Variants in SLC24A4 observed in about 807,000 individuals in gnomAD.
SLC24A4 encodes solute carrier family 24 member 4, also known as sodium/potassium/calcium exchanger 4.
SLC24A4 carries 53 observed loss-of-function variants against 79.0 expected under a neutral mutation model. The ratio of observed to expected loss-of-function variants is 0.67; its 90% confidence interval spans 0.54 to 0.84. SLC24A4 has a LOEUF of 0.84. Among genes scored for constraint, SLC24A4 ranks in the 40% least tolerant of loss-of-function variants. SLC24A4 has a pLI of 0.00. For synonymous variants in SLC24A4, 323 were observed against 323.8 expected, an observed-to-expected ratio of 1.00 and a Z score of 0.03; for missense variants, 731 against 822.0, an observed-to-expected ratio of 0.89 and a Z score of 1.35.
intron 12 of SLC24A4, among the ~76,000 whole-genome samples, chr14:92,465,758 G>A (rs10130041): frequency 0.7 from 106,545 of 151,780 alleles, 37,924 homozygotes; most frequent in Non-Finnish European, 0.76. Context: ...CCCGACCCCC[G>A]AGAGCTCTCC....
intron 3 of SLC24A4, among the ~76,000 whole-genome samples, chr14:92,436,475 C>T (rs1408657330): frequency 6.6e-6 from 1 of 152,106 alleles, no homozygotes; most frequent in Non-Finnish European, 1.5e-5. Context: ...AACACTGCAA[C>T]ACCCATTCTA....
In SLC24A4 at chr14:92,385,496, T is replaced by TA. The variant is rs56777130; in HGVS notation, c.242-48402dup. On this transcript the variant is annotated intron_variant, in intron 2 of 16. Coordinates refer to ENST00000532405, the MANE Select transcript of SLC24A4 (RefSeq NM_153646.4). The stretch of plus-strand genomic sequence containing the variant: ...TGGCGACAGAGCGAGACTCCGTCTT[T>TA]AAAAAAAAAAAAAATCATGCAATGT... 4.8e-3 allele frequency among the ~76,000 whole-genome samples: 698 copies of TA among 145,614 alleles called. 4 individuals carry two copies. Among genetic ancestry groups the TA allele is most frequent in the African/African-American group, 0.014 (567 of 39,758 alleles).
intron 2 of SLC24A4, among the ~76,000 whole-genome samples, chr14:92,412,031 C>T (rs1244728598): frequency 1.8e-4 from 28 of 152,102 alleles, no homozygotes; most frequent in Admixed American, 1.8e-3. Context: ...GTGGGCATGG[C>T]GGGATCAGGA....
intron 2 of SLC24A4, among the ~76,000 whole-genome samples, chr14:92,367,399 T>TG (rs1444685831): frequency 6.6e-6 from 1 of 152,270 alleles, no homozygotes. Flanking sequence ...AGGCCAGGGT[T>TG]GCCTGGTTAG....
At chr14:92,339,532 C>T (rs917745536) in intron 2 of SLC24A4, among the ~76,000 whole-genome samples, 2 of 152,216 alleles carry the variant, frequency 1.3e-5, no homozygotes, top group Admixed American at 1.3e-4. Flanking sequence ...CTCAAGGTCT[C>T]CCAGCTCGGA....
At chr14:92,367,064 G>A (rs962728722) in intron 2 of SLC24A4, among the ~76,000 whole-genome samples, 3 of 152,162 alleles carry the variant, frequency 2.0e-5, no homozygotes, top group African/African-American at 7.2e-5. Context: ...TGGACACCCC[G>A]GGTACCATCC....
Position 92,323,806 on chromosome 14 carries a change from A to G in SLC24A4, c.-25A>G. The stretch of plus-strand genomic sequence containing the variant: ...CCGCTGAAGCTCCCCATCCTCTCCC[A>G]GAGACGGCACCCAGGCGCTCCGGGA... On this transcript the variant is annotated 5_prime_UTR_variant, in exon 1 of 17. Coordinates refer to ENST00000532405, the MANE Select transcript of SLC24A4 (RefSeq NM_153646.4). The surrounding 1 kb of genome is among the most constrained non-coding windows in gnomAD (Gnocchi z 4.9). The G allele has an allele frequency of 1.3e-6, 2 of 1,547,786 alleles. No individual in the cohort carries two copies. The highest frequency in any genetic ancestry group is 1.7e-6 in the Non-Finnish European group (2 of 1,153,414).
At chr14:92,423,179 C>T (rs1013629788) in intron 2 of SLC24A4, among the ~76,000 whole-genome samples, 1 of 151,908 alleles carries the variant, frequency 6.6e-6, no homozygotes, top group African/African-American at 2.4e-5. Context: ...CTCACTTGCT[C>T]TGTTGCCCAG....
At chr14:92,492,867 T>C (rs1457730641) in intron 16 of SLC24A4, 1 of 455,402 alleles carries the variant, frequency 2.2e-6, no homozygotes. Context: ...CAGGAAGCCT[T>C]GATCGAGGGA....
chr14:92,378,212 G>T (rs1473360239), intron 2 of SLC24A4, among the ~76,000 whole-genome samples: 2 of 152,140 alleles, frequency 1.3e-5, no homozygotes, highest in Non-Finnish European at 2.9e-5. Context: ...GAACGTTGAG[G>T]TTGTTTGCAG....
chr14:92,453,291 T>C (rs1893255951), intron 10 of SLC24A4: 1 of 152,282 alleles, frequency 6.6e-6, no homozygotes, highest in Non-Finnish European at 1.5e-5. Context: ...TCCTGGGTCT[T>C]AGTTGCCTGT....
chr14:92,387,524 C>T (rs1253935559), intron 2 of SLC24A4, among the ~76,000 whole-genome samples: 2 of 152,146 alleles, frequency 1.3e-5, no homozygotes, highest in African/African-American at 4.8e-5. Context: ...CAATGGTGAC[C>T]ATACGTCATC....
At chr14:92,447,078 G>A (rs2139823460) in intron 8 of SLC24A4, among the ~76,000 whole-genome samples, 1 of 152,314 alleles carries the variant, frequency 6.6e-6, no homozygotes, top group African/African-American at 2.4e-5. Context: ...GGGACATGGT[G>A]GCCCTAGTCC....
At chr14:92,379,907 C>G (rs961479602) in intron 2 of SLC24A4, among the ~76,000 whole-genome samples, 2 of 152,198 alleles carry the variant, frequency 1.3e-5, no homozygotes, top group Admixed American at 1.3e-4. Flanking sequence ...GCCTCCCTCT[C>G]CCCTCTCCAC....
chr14:92,429,766 CTG>C (rs1178640285), intron 2 of SLC24A4, among the ~76,000 whole-genome samples: 1 of 152,178 alleles, frequency 6.6e-6, no homozygotes, highest in African/African-American at 2.4e-5. Context: ...CTGTGCCAGA[CTG>C]TGTTTGTGTG....
At chr14:92,351,915 G>GAAGGAAAGGAAAGGAAGGA (rs1886909860) in intron 2 of SLC24A4, among the ~76,000 whole-genome samples, 1 of 140,388 alleles carries the variant, frequency 7.1e-6, no homozygotes, top group African/African-American at 2.7e-5. Flanking sequence ...GGAAGGAAAG[G>GAAGGAAAGGAAAGGAAGGA]AAGGAAAGGA....
At chr14:92,414,672 T>G (rs1286663270) in intron 2 of SLC24A4, among the ~76,000 whole-genome samples, 1 of 152,142 alleles carries the variant, frequency 6.6e-6, no homozygotes, top group Non-Finnish European at 1.5e-5. Flanking sequence ...CCCGGGAGGT[T>G]GAGGCTGCAG....
intron 2 of SLC24A4, among the ~76,000 whole-genome samples, chr14:92,364,857 G>T (rs1486143826): frequency 2.0e-5 from 3 of 152,190 alleles, no homozygotes; most frequent in Non-Finnish European, 4.4e-5. Context: ...CAGACTGGGT[G>T]CCTCATTAGT....
intron 2 of SLC24A4, among the ~76,000 whole-genome samples, chr14:92,422,493 C>A (rs1243501464): frequency 6.6e-6 from 1 of 152,226 alleles, no homozygotes; most frequent in Non-Finnish European, 1.5e-5. Flanking sequence ...GCACCTTGGG[C>A]AAATTACTTA....
Sources: allele counts gnomAD v4.1 joint callset (sites outside exome capture counted in the v4.1 genomes callset), GRCh38; gene constraint gnomAD v4.1.1; non-coding constraint Gnocchi (gnomAD v3.1); transcripts MANE v1.5; gene names NCBI Gene and HGNC (gene_info 2026-07-23, HGNC 2026-07-21).